Variants in ELAVL2 observed in about 807,000 individuals in gnomAD.
The protein encoded by ELAVL2 is ELAV-like protein 2.
In ELAVL2, 4 loss-of-function variants were observed where a neutral mutation model predicts 34.6. The ratio of observed to expected loss-of-function variants is 0.12; its 90% CI spans 0.06 to 0.26. ELAVL2 has a LOEUF of 0.26. Ranked by LOEUF, ELAVL2 falls within the 10% of genes least tolerant of loss-of-function variation. The pLI is 1.00. For synonymous variants in ELAVL2, 193 were observed against 154.8 expected, an observed-to-expected ratio of 1.25 and a Z score of -1.83; for missense variants, 432 against 442.8, an observed-to-expected ratio of 0.98 and a Z score of 0.22.
intron 1 of ELAVL2, among the ~76,000 whole-genome samples, chr9:23,787,105 T>C (rs1309620830): frequency 6.6e-6 from 1 of 152,094 alleles, no homozygotes; most frequent in Non-Finnish European, 1.5e-5. Flanking sequence ...TGAGAAAGAA[T>C]ATGAGCATTT....
intron 5 of ELAVL2, among the ~76,000 whole-genome samples, chr9:23,696,635 A>G (rs1310396540): frequency 6.7e-6 from 1 of 149,364 alleles, no homozygotes; most frequent in Admixed American, 6.6e-5. Context: ...ACGTCCGGCT[A>G]ATTTTTTTTG....
At chr9:23,847,602 C>T in the ELAVL2 span, among the ~76,000 whole-genome samples, 1 of 151,942 alleles carries the variant, frequency 6.6e-6, no homozygotes. Context: ...AAATAGAACA[C>T]TTATAATTTT....
At chr9:23,695,667 C>CA (rs2034900506) in intron 5 of ELAVL2, among the ~76,000 whole-genome samples, 2 of 152,180 alleles carry the variant, frequency 1.3e-5, no homozygotes, top group African/African-American at 4.8e-5. Context: ...ACCTGTATAA[C>CA]ATGTCACTGT....
At chr9:23,736,846 C>T (rs1256291366) in intron 2 of ELAVL2, among the ~76,000 whole-genome samples, 3 of 152,186 alleles carry the variant, frequency 2.0e-5, no homozygotes, top group Non-Finnish European at 2.9e-5. Flanking sequence ...TTTCCAGTCA[C>T]TGTCAGTTTT....
intron 2 of ELAVL2, among the ~76,000 whole-genome samples, chr9:23,734,650 T>C (rs1196318823): frequency 7.2e-5 from 11 of 152,252 alleles, no homozygotes; most frequent in Admixed American, 7.2e-4. Flanking sequence ...TTGATTACTA[T>C]CTCAAACTTC....
At chr9:23,712,537 T>C (rs1484660377) in intron 3 of ELAVL2, among the ~76,000 whole-genome samples, 1 of 152,190 alleles carries the variant, frequency 6.6e-6, no homozygotes, top group Non-Finnish European at 1.5e-5. Context: ...GAAAAAAATC[T>C]AATTATTTGG....
At chr9:23,789,109 T>G (rs1429963779) in intron 1 of ELAVL2, among the ~76,000 whole-genome samples, 3 of 152,094 alleles carry the variant, frequency 2.0e-5, no homozygotes, top group Non-Finnish European at 4.4e-5. Context: ...CATTACAACT[T>G]TAGATGGCCT....
At chr9:23,760,741 C>T (rs12553758) in intron 2 of ELAVL2, among the ~76,000 whole-genome samples, 3,588 of 152,022 alleles carry the variant, frequency 0.024, 213 homozygotes, top group Admixed American at 0.13. Context: ...AATATAATGG[C>T]CGTTTGCTAT....
chr9:23,821,773 C>G (rs544615005), intron 1 of ELAVL2: 1 of 151,470 alleles, frequency 6.6e-6, no homozygotes, highest in African/African-American at 2.4e-5. Context: ...CGCGCCGCGC[C>G]GCGCCGGCAA....
chr9:23,791,264 C>A (rs566423162), intron 1 of ELAVL2, among the ~76,000 whole-genome samples: 1 of 152,152 alleles, frequency 6.6e-6, no homozygotes, highest in Non-Finnish European at 1.5e-5. Flanking sequence ...AGCAAGGAGT[C>A]TTGACCAATC....
chr9:23,740,076 TC>T lies in ELAVL2; in HGVS notation c.230-8952del, dbSNP rs1464621288. Among the ~76,000 whole-genome samples, 3 of 150,484 alleles carry T rather than the reference TC, an allele frequency of 2.0e-5. No homozygotes were observed. The Admixed American group carries it at 2.0e-4, about 10-fold the overall frequency. On this transcript the variant is annotated intron_variant, in intron 2 of 6. Transcript: ENST00000397312. ...TAAATTTTCTTCTTGAACACATTTT[TC>T]TTAAAAAAATCACTCTCTCACCCAA...
chr9:23,699,593 A>G (rs2036439182), intron 5 of ELAVL2, among the ~76,000 whole-genome samples: 1 of 152,150 alleles, frequency 6.6e-6, no homozygotes, highest in Non-Finnish European at 1.5e-5. Flanking sequence ...ATACCTGTAA[A>G]ATTCCTTCAG....
At chr9:23,788,976 G>A (rs1199854169) in intron 1 of ELAVL2, among the ~76,000 whole-genome samples, 1 of 152,186 alleles carries the variant, frequency 6.6e-6, no homozygotes, top group Admixed American at 6.5e-5. Flanking sequence ...GGAAATCATG[G>A]AAAGCGAAAC....
intron 1 of ELAVL2, among the ~76,000 whole-genome samples, chr9:23,816,032 CTATT>C (rs2063655877): frequency 6.6e-6 from 1 of 152,084 alleles, no homozygotes; most frequent in Non-Finnish European, 1.5e-5. Flanking sequence ...TGCCAAAGTC[CTATT>C]TCCCAAATGG....
At chr9:23,791,141 T>C (rs1047050598) in intron 1 of ELAVL2, among the ~76,000 whole-genome samples, 3 of 152,316 alleles carry the variant, frequency 2.0e-5, no homozygotes, top group East Asian at 1.9e-4. Flanking sequence ...TGTATATCAA[T>C]TGTCAAAACT....
At chr9:23,759,754 T>TTATATATATATATATA (rs774471922) in intron 2 of ELAVL2, among the ~76,000 whole-genome samples, 909 of 81,066 alleles carry the variant, frequency 0.011, 15 homozygotes, top group Non-Finnish European at 0.013. Context: ...ATATATAGTA[T>TTATATATATATATATA]TATATATATA....
At chr9:23,699,489 C>A (rs1385983340) in intron 5 of ELAVL2, among the ~76,000 whole-genome samples, 1 of 152,078 alleles carries the variant, frequency 6.6e-6, no homozygotes, top group African/African-American at 2.4e-5. Flanking sequence ...AAAAATCAAC[C>A]AATACATTAT....
the ELAVL2 span, among the ~76,000 whole-genome samples, chr9:23,836,172 A>G: frequency 6.6e-6 from 1 of 152,232 alleles, no homozygotes. Flanking sequence ...AATAGAAATA[A>G]TATTTTATAC....
At chr9:23,849,538 G>A in the ELAVL2 span, 1 of 152,174 alleles carries the variant, frequency 6.6e-6, no homozygotes, top group African/African-American at 2.4e-5. Flanking sequence ...GAGTGACCCG[G>A]CTAATGTGCC....
Sources: allele counts gnomAD v4.1 joint callset (sites outside exome capture counted in the v4.1 genomes callset), GRCh38; gene constraint gnomAD v4.1.1; transcripts MANE v1.5; gene names NCBI Gene and HGNC (gene_info 2026-07-23, HGNC 2026-07-21).